The following SGIP1 variants were observed in gnomAD, a reference collection of about 807,000 sequenced individuals.
SGIP1 encodes SH3-containing GRB2-like protein 3-interacting protein 1.
Under a neutral mutation model 107.5 loss-of-function variants are expected in SGIP1, and 38 were observed. The ratio of observed to expected loss-of-function variants is 0.35; its 90% confidence interval spans 0.27 to 0.46. The LOEUF (loss-of-function observed/expected upper bound fraction) is 0.46, where lower values mean the gene tolerates loss of function less well. Among genes scored for constraint, SGIP1 ranks in the 20% least tolerant of loss-of-function variants. The pLI is 1.00. For synonymous variants in SGIP1, 365 were observed against 366.1 expected (o/e 1.00, Z 0.03); for missense variants, 929 against 1,019.5 (o/e 0.91, Z 1.21).
In SGIP1 at chr1:66,642,794, C is replaced by T. The variant is rs2077018698; in HGVS notation, c.229-16C>T. On this transcript the variant is annotated splice_polypyrimidine_tract_variant and intron_variant, in intron 5 of 24. Transcript: ENST00000371037. ...GTTAGGATAATAATTACTTCATGTG[C>T]ACTTGTGTTTTATAGAACTCACCTG... 1.9e-6 allele frequency: 3 copies of T among 1,602,456 alleles called. No individual in the cohort carries two copies. The African/African-American group carries it at 4.0e-5, about 22-fold the overall frequency.
chr1:66,671,034 G>T lies in SGIP1; in HGVS notation c.508+15G>T. 1 of 1,320,570 alleles carries T rather than the reference G, an allele frequency of 7.6e-7. No individual in the cohort carries two copies. The highest frequency in any genetic ancestry group is 1.9e-5 in the Admixed American group (1 of 51,370). The allele number at this position is 1,320,570 out of a possible 1,614,324, so 81.8% of individuals were successfully genotyped here. A position where few individuals can be genotyped will look rare whatever the true frequency, so the allele number is the denominator to read the frequency against. ...GAACTTATCCAGTAAGTATATCTTA[G>T]CTACCAGAAATAGTGTATGATTTAA... On this transcript the variant is annotated intron_variant, in intron 10 of 24. Coordinates refer to ENST00000371037, the MANE Select transcript of SGIP1 (RefSeq NM_032291.4).
chr1:66,739,916 T>C (rs755287024), intron 22 of SGIP1, among the ~76,000 whole-genome samples: 5 of 152,194 alleles, frequency 3.3e-5, no homozygotes, highest in Non-Finnish European at 7.4e-5. Context: ...CCTCCTTAAG[T>C]GCTTCTTGGC....
intron 13 of SGIP1, among the ~76,000 whole-genome samples, chr1:66,678,261 T>C (rs1412854698): frequency 6.6e-6 from 1 of 152,218 alleles, no homozygotes; most frequent in Non-Finnish European, 1.5e-5. Flanking sequence ...AGAAAACCCT[T>C]TCCTAAATGC....
At position 66,534,417 on chromosome 1, in the gene SGIP1, A is replaced by G. The variant is rs749946955; in HGVS notation, c.10+49A>G. 68 of 1,609,908 alleles carry G rather than the reference A, an allele frequency of 4.2e-5. No homozygotes were observed. The East Asian group carries it at 1.4e-3, about 34-fold the overall frequency. On this transcript the variant is annotated intron_variant, in intron 1 of 24. Coordinates refer to ENST00000371037, the MANE Select transcript of SGIP1 (RefSeq NM_032291.4). ...GACTGGCTTCAGGCAAGGTTTGGGC[A>G]GAACAGCATTAAAGAATATGTGCAG...
chr1:66,582,927 A>G (rs1028260290), intron 1 of SGIP1, among the ~76,000 whole-genome samples: 1 of 151,982 alleles, frequency 6.6e-6, no homozygotes, highest in Non-Finnish European at 1.5e-5. Context: ...AAGCAACATA[A>G]TCTACAGGCA....
chr1:66,713,475 AT>A (rs781172636), intron 18 of SGIP1, among the ~76,000 whole-genome samples: 13 of 152,102 alleles, frequency 8.5e-5, no homozygotes, highest in Non-Finnish European at 1.9e-4. Context: ...TTAGTGTTTG[AT>A]TTTTGTTGTT....
chr1:66,603,325 T>C (rs142837099), intron 1 of SGIP1, among the ~76,000 whole-genome samples: 39 of 152,310 alleles, frequency 2.6e-4, no homozygotes, highest in African/African-American at 8.7e-4. Context: ...TCACATCCTA[T>C]GTAAGAATTA....
intron 1 of SGIP1, among the ~76,000 whole-genome samples, chr1:66,589,361 A>C (rs4655632): frequency 0.041 from 4,641 of 113,032 alleles, 243 homozygotes; most frequent in East Asian, 0.3. Context: ...TTTGGGCACA[A>C]AAAAAAAAAA....
chr1:66,597,299 G>A (rs1331882144), intron 1 of SGIP1, among the ~76,000 whole-genome samples: 1 of 152,212 alleles, frequency 6.6e-6, no homozygotes, highest in Non-Finnish European at 1.5e-5. Context: ...TTATAAGTGA[G>A]AACATGCAGT....
In SGIP1 at chr1:66,610,947, C is replaced by T. The variant is rs145639046; in HGVS notation, c.11-14900C>T. ...GAGCTAAGCTACAAGGATGCAAAGT[C>T]GTAAGAATGATGCAATGGACTTTGG... On this transcript the variant is annotated intron_variant, in intron 1 of 24. Coordinates refer to ENST00000371037, the MANE Select transcript of SGIP1 (RefSeq NM_032291.4). 9.9e-5 allele frequency among the ~76,000 whole-genome samples: 15 copies of T among 151,178 alleles called. No homozygotes were observed. The East Asian group carries it at 2.5e-3, about 26-fold the overall frequency.
At chr1:66,667,821 G>A (rs548195062) in intron 9 of SGIP1, among the ~76,000 whole-genome samples, 18 of 152,158 alleles carry the variant, frequency 1.2e-4, no homozygotes, top group Non-Finnish European at 2.1e-4. Context: ...ATATATGTGT[G>A]TGTGTGTGTA....
At chr1:66,620,023 C>G (rs2070544762) in intron 1 of SGIP1, among the ~76,000 whole-genome samples, 1 of 152,140 alleles carries the variant, frequency 6.6e-6, no homozygotes, top group South Asian at 2.1e-4. Context: ...AAACAATTCT[C>G]CTTTCAGTGT....
At chr1:66,557,572 T>C (rs1357661443) in intron 1 of SGIP1, among the ~76,000 whole-genome samples, 1 of 152,080 alleles carries the variant, frequency 6.6e-6, no homozygotes, top group Non-Finnish European at 1.5e-5. Context: ...ATCAGGGAAC[T>C]GGGTCACTTC....
intron 12 of SGIP1, among the ~76,000 whole-genome samples, chr1:66,675,625 G>A (rs1384178841): frequency 3.1e-5 from 4 of 129,796 alleles, no homozygotes; most frequent in African/African-American, 3.0e-5. Context: ...CTGCAGCCTC[G>A]ACCTCCCACA....
In SGIP1 at chr1:66,742,460, C is replaced by CTTTTTTTT. The variant is rs764080079; in HGVS notation, c.2465-593_2465-586dup. ...AATATAAGTTATATGAGCACCCTTTCTTTTTTTTTTTTTTTTTTTTTTTTT... is the reference window on the plus strand; with the variant it reads ...AATATAAGTTATATGAGCACCCTTTCTTTTTTTTTTTTTTTTTTTTTTTTTTTTTTTTT... On this transcript the variant is annotated intron_variant, in intron 24 of 24. Transcript: ENST00000371037. Among the ~76,000 whole-genome samples the CTTTTTTTT allele has an allele frequency of 4.7e-4, 21 of 45,108 alleles. 3 individuals carry two copies. The highest frequency in any genetic ancestry group is 7.0e-4 in the Non-Finnish European group (16 of 23,016). The allele number at this position is 45,108 out of a possible 152,430, so 29.6% of individuals were successfully genotyped here.
intron 1 of SGIP1, among the ~76,000 whole-genome samples, chr1:66,577,287 A>T (rs989152511): frequency 6.6e-6 from 1 of 152,046 alleles, no homozygotes; most frequent in Non-Finnish European, 1.5e-5. Flanking sequence ...TACAGCCTGG[A>T]TCCCTAGGTC....
intron 18 of SGIP1, among the ~76,000 whole-genome samples, chr1:66,709,522 G>T (rs75702609): frequency 0.012 from 1,869 of 152,204 alleles, 41 homozygotes; most frequent in African/African-American, 0.043. Context: ...TGGACACATG[G>T]TTGTAGTCAT....
intron 1 of SGIP1, among the ~76,000 whole-genome samples, chr1:66,591,743 T>A (rs1213819028): frequency 1.3e-5 from 2 of 152,170 alleles, no homozygotes; most frequent in Non-Finnish European, 2.9e-5. Context: ...CCCTCAGTAT[T>A]TATTGATCAC....
chr1:66,633,436 T>C (rs1054331521), intron 3 of SGIP1, among the ~76,000 whole-genome samples: 12 of 152,182 alleles, frequency 7.9e-5, no homozygotes, highest in African/African-American at 2.9e-4. Flanking sequence ...AATGTTTTTC[T>C]CCAACAGAGG....
Sources: gnomAD v4.1 joint callset for allele counts (sites outside exome capture counted in the v4.1 genomes callset) on GRCh38, gnomAD v4.1.1 for gene constraint, MANE v1.5 for transcripts, NCBI Gene and HGNC (gene_info 2026-07-23, HGNC 2026-07-21) for gene names.